The following APBB1 variants were observed in gnomAD, a reference collection of about 807,000 sequenced individuals.
The protein encoded by APBB1 is adaptor protein FE65a2.
In APBB1, 22 loss-of-function variants were observed where a neutral mutation model predicts 78.4. That is an observed-to-expected ratio of 0.28 (90% CI 0.20 to 0.40). The LOEUF is 0.40. APBB1 is among the 10% of genes least tolerant of loss of function. The pLI is 1.00. For missense variants in APBB1, 749 were observed against 932.4 expected (o/e 0.80, Z 2.56); for synonymous variants, 369 against 372.7 (o/e 0.99, Z 0.12).
chr11:6,396,448 T>C (rs985332600), intron 12 of APBB1: 19 of 497,512 alleles, frequency 3.8e-5, no homozygotes, highest in African/African-American at 3.6e-4. Flanking sequence ...GGCTCGTTAT[T>C]TTCACCGGCT....
chr11:6,417,438 T>C (rs1849147474), intron 1 of APBB1, among the ~76,000 whole-genome samples: 1 of 152,228 alleles, frequency 6.6e-6, no homozygotes, highest in African/African-American at 2.4e-5. Flanking sequence ...ATTTTTCTCC[T>C]AGATTGTCAG....
At chr11:6,396,995 T>C (rs777499205) in intron 12 of APBB1, among the ~76,000 whole-genome samples, 2 of 152,248 alleles carry the variant, frequency 1.3e-5, no homozygotes, top group Non-Finnish European at 2.9e-5. Flanking sequence ...CTTTCCCTTA[T>C]AACACATGGC....
At chr11:6,417,907 T>C (rs1167022631) in intron 1 of APBB1, among the ~76,000 whole-genome samples, 1 of 152,206 alleles carries the variant, frequency 6.6e-6, no homozygotes, top group African/African-American at 2.4e-5. Context: ...ATCTATAGGT[T>C]TGGAACTCCT....
chr11:6,403,754 C>A lies in APBB1; in HGVS notation c.790G>T (p.Asp264Tyr). ...TGCCAGTAATAGGTCCCTGAGGTGT[C>A]CTGGACCCTCATCCATCCAGCCGGC... ...DLPAGWMRVQ[D>Y]TSGTYYWHIP... The change falls in exon 3 of 15, where the codon GAC becomes TAC. Residue 264 changes from aspartate to tyrosine, a missense_variant. Around this residue, in one of 3 missense-constraint regions of APBB1, gnomAD observed 635 missense variants for 765.0 expected, o/e 0.83. Coordinates refer to ENST00000609360, the MANE Select transcript of APBB1 (RefSeq NM_001164.5). The surrounding 1 kb of genome is among the most constrained non-coding windows in gnomAD (Gnocchi z 5.3). The A allele has an allele frequency of 1.9e-6, 3 of 1,601,396 alleles. No individual in the cohort carries two copies. Among genetic ancestry groups the A allele is most frequent in the Non-Finnish European group, 2.6e-6 (3 of 1,171,628 alleles).
chr11:6,416,553 C>T (rs1695230586), intron 1 of APBB1, among the ~76,000 whole-genome samples: 1 of 152,156 alleles, frequency 6.6e-6, no homozygotes, highest in African/African-American at 2.4e-5. Context: ...GATCCCGGCT[C>T]ATGGAATGAT....
intron 12 of APBB1, among the ~76,000 whole-genome samples, chr11:6,400,621 C>T (rs61876775): frequency 6.6e-6 from 1 of 152,248 alleles, no homozygotes; most frequent in East Asian, 1.9e-4. Flanking sequence ...CAGATGCTCC[C>T]AGCCCACAGC....
Position 6,401,766 on chromosome 11 carries a change from C to T in APBB1, c.1389-78G>A. 1 of 1,543,022 alleles carries T rather than the reference C, an allele frequency of 6.5e-7. No individual in the cohort carries two copies. ...TGGTCCCCACCCCACCCACGTCCTC[C>T]CTGCCCATCACAGCTCCTCCAGGGC... On this transcript the variant is annotated intron_variant, in intron 9 of 14. Transcript: ENST00000609360. The surrounding 1 kb of genome is among the most constrained non-coding windows in gnomAD (Gnocchi z 4.5).
intron 12 of APBB1, among the ~76,000 whole-genome samples, chr11:6,398,647 G>A (rs536843317): frequency 2.6e-5 from 4 of 152,204 alleles, no homozygotes; most frequent in African/African-American, 7.2e-5. Context: ...AGTTGAGGAC[G>A]AGAAGGAGGA....
chr11:6,398,151 T>C (rs764733624), intron 12 of APBB1, among the ~76,000 whole-genome samples: 18 of 152,112 alleles, frequency 1.2e-4, no homozygotes, highest in Non-Finnish European at 2.5e-4. Context: ...AACTCAGGAC[T>C]AAAACCTACA....
Position 6,403,357 on chromosome 11 carries a change from AGGT to A in APBB1, c.999_1001del (p.Glu333_Pro334delinsAsp). 1 of 1,614,054 alleles carries A rather than the reference AGGT, an allele frequency of 6.2e-7. No homozygotes were observed. The highest frequency in any genetic ancestry group is 8.5e-7 in the Non-Finnish European group (1 of 1,179,978). On this transcript the variant is annotated inframe_deletion, in exon 5 of 15. Transcript: ENST00000609360. The surrounding 1 kb of genome is among the most constrained non-coding windows in gnomAD (Gnocchi z 5.3). ...CTGGGAAGGTCAACGTCCCCTCCTC[AGGT>A]TCCTTCAGTCCCAGCTCCATTGGGG... is the stretch of plus-strand genomic sequence containing the variant.
intron 2 of APBB1, among the ~76,000 whole-genome samples, chr11:6,407,318 G>A (rs531059725): frequency 3.9e-5 from 6 of 152,170 alleles, no homozygotes; most frequent in South Asian, 4.2e-4. Context: ...CAGCAAACCC[G>A]CCCCAGCTCT....
At chr11:6,412,585 C>A (rs12099251) in intron 1 of APBB1, among the ~76,000 whole-genome samples, 3,857 of 152,312 alleles carry the variant, frequency 0.025, 160 homozygotes, top group African/African-American at 0.082. Flanking sequence ...CACCATCTGA[C>A]AAGCCAATTT....
chr11:6,405,692 G>A (rs1421133553), intron 2 of APBB1: 2 of 985,734 alleles, frequency 2.0e-6, no homozygotes, highest in Non-Finnish European at 2.4e-6. Context: ...CAAAGAGGAG[G>A]GGCTCTTGCC....
Position 6,395,138 on chromosome 11 carries a change from A to C in APBB1, c.*396T>G, listed in dbSNP as rs956257923. On this transcript the variant is annotated 3_prime_UTR_variant, in exon 15 of 15. Coordinates refer to ENST00000609360, the MANE Select transcript of APBB1 (RefSeq NM_001164.5). The surrounding 1 kb of genome is among the most constrained non-coding windows in gnomAD (Gnocchi z 5.2). ...AGAAGGCACACAGCAGTGCAGACAGACTTTATTAGTGATATCAATACAGCA... is the reference window on the plus strand; with the variant it reads ...AGAAGGCACACAGCAGTGCAGACAGCCTTTATTAGTGATATCAATACAGCA... 8.9e-6 allele frequency: 2 copies of C among 225,382 alleles called. No individual in the cohort carries two copies. The highest frequency in any genetic ancestry group is 1.0e-4 in the Admixed American group (2 of 19,494). 14.0% of individuals were successfully genotyped at this position (225,382 alleles called of 1,614,324 possible).
chr11:6,412,607 TG>T (rs1716937595), intron 1 of APBB1, among the ~76,000 whole-genome samples: 1 of 152,220 alleles, frequency 6.6e-6, no homozygotes, highest in African/African-American at 2.4e-5. Flanking sequence ...TTATTTACTT[TG>T]TCTAATGATT....
Position 6,403,973 on chromosome 11 carries a change from G to T in APBB1, c.722-151C>A. On this transcript the variant is annotated intron_variant, in intron 2 of 14. Transcript: ENST00000609360. The surrounding 1 kb of genome is among the most constrained non-coding windows in gnomAD (Gnocchi z 5.3). ...TTCCTGCTTCTGCCTAGAGCCTATA[G>T]TCTGGAGTCACCACATGTGGGGCCA... The T allele has an allele frequency of 1.2e-6, 1 of 835,056 alleles. No homozygotes were observed. Among genetic ancestry groups the T allele is most frequent in the Non-Finnish European group, 1.7e-6 (1 of 572,532 alleles). 51.7% of individuals were successfully genotyped at this position (835,056 alleles called of 1,614,324 possible).
chr11:6,409,753 T>G (rs1249989765), intron 2 of APBB1, among the ~76,000 whole-genome samples: 1 of 146,672 alleles, frequency 6.8e-6, no homozygotes, highest in Non-Finnish European at 1.5e-5. Flanking sequence ...TCTCCACTCT[T>G]TGTTCCTCAG....
At chr11:6,413,514 C>T (rs1323055205) in intron 1 of APBB1, among the ~76,000 whole-genome samples, 1 of 152,314 alleles carries the variant, frequency 6.6e-6, no homozygotes. Flanking sequence ...TCTCCAGGTG[C>T]GGTGCGCCCA....
chr11:6,412,145 GTTGT>G (rs999165693), intron 1 of APBB1, among the ~76,000 whole-genome samples: 6 of 152,060 alleles, frequency 3.9e-5, no homozygotes, highest in Non-Finnish European at 5.9e-5. Context: ...TTTTTTGGGG[GTTGT>G]TTGTCTGTTT....
Sources: allele counts gnomAD v4.1 joint callset (sites outside exome capture counted in the v4.1 genomes callset), GRCh38; gene constraint gnomAD v4.1.1; regional missense constraint gnomAD v4.1.1; non-coding constraint Gnocchi (gnomAD v3.1); transcripts MANE v1.5; gene names NCBI Gene and HGNC (gene_info 2026-07-23, HGNC 2026-07-21).